Variants in ASPSCR1 observed in about 807,000 individuals in gnomAD.
ASPSCR1 encodes ASPSCR1 tether for SLC2A4, UBX domain containing, also known as tether containing UBX domain for GLUT4.
Under a neutral mutation model 68.9 loss-of-function variants are expected in ASPSCR1, and 55 were observed. That is an observed-to-expected ratio of 0.80 (90% confidence interval 0.64 to 1.00). ASPSCR1 has a LOEUF of 1.00. Among genes scored for constraint, ASPSCR1 ranks in the 50% least tolerant of loss-of-function variants. ASPSCR1 has a pLI of 0.00. For missense variants in ASPSCR1, 765 were observed against 762.2 expected (o/e 1.00, Z -0.04); for synonymous variants, 352 against 332.6 (o/e 1.06, Z -0.63).
At position 81,990,285 on chromosome 17, in the gene ASPSCR1, G is replaced by A. The variant is rs1472601861; in HGVS notation, c.375-4536G>A. ...CTTGGAGCATCTCGGTCTGGGCCGG[G>A]TCCTCGTGGACTGGGCGCTCTCCAC... On this transcript the variant is annotated intron_variant, in intron 4 of 15. Coordinates refer to ENST00000306739, the MANE Select transcript of ASPSCR1 (RefSeq NM_024083.4). The surrounding 1 kb of genome is among the most constrained non-coding windows in gnomAD (Gnocchi z 4.1). Among the ~76,000 whole-genome samples, 2 of 152,198 alleles carry A rather than the reference G, an allele frequency of 1.3e-5. No homozygotes were observed. Among genetic ancestry groups the A allele is most frequent in the Non-Finnish European group, 2.9e-5 (2 of 68,038 alleles).
chr17:82,017,207 G>A (rs1262089692), intron 15 of ASPSCR1, 94 bp downstream of exon 15: 14 of 1,587,776 alleles, frequency 8.8e-6, no homozygotes, highest in Non-Finnish European at 1.1e-5. Context: ...GGGGCTAGGT[G>A]CTGTGGCCGG....
intron 10 of ASPSCR1, 135 bp downstream of exon 10, chr17:82,011,003 G>C: frequency 9.4e-7 from 1 of 1,066,004 alleles, no homozygotes; most frequent in Non-Finnish European, 1.4e-6. Context: ...TGCGGGTGCT[G>C]ATGTCCCCTT....
intron 7 of ASPSCR1, among the ~76,000 whole-genome samples, chr17:82,000,204 C>T (rs1598413618): frequency 6.6e-6 from 1 of 152,258 alleles, no homozygotes; most frequent in Non-Finnish European, 1.5e-5. Flanking sequence ...GGCCTCAGCC[C>T]CTTCCCTCCG....
intron 8 of ASPSCR1, 50 bp downstream of exon 8, chr17:82,009,241 C>T: frequency 6.5e-7 from 1 of 1,535,092 alleles, no homozygotes; most frequent in South Asian, 1.2e-5. Context: ...GGGTTTGCCC[C>T]ATCGGGTGCT....
intron 4 of ASPSCR1, among the ~76,000 whole-genome samples, chr17:81,993,749 C>T (rs1439064510): frequency 6.6e-6 from 1 of 152,258 alleles, no homozygotes; most frequent in Non-Finnish European, 1.5e-5. Context: ...CAAGCAGTTT[C>T]CAGCCCAGCT....
At chr17:81,980,725 G>C (rs1567951499) in intron 2 of ASPSCR1, among the ~76,000 whole-genome samples, 1 of 152,190 alleles carries the variant, frequency 6.6e-6, no homozygotes, top group Admixed American at 6.5e-5. Flanking sequence ...TGATACAGAC[G>C]TACTTAATAC....
intron 7 of ASPSCR1, among the ~76,000 whole-genome samples, chr17:82,000,190 C>T (rs903312818): frequency 1.3e-5 from 2 of 152,246 alleles, no homozygotes; most frequent in Admixed American, 6.5e-5. Flanking sequence ...ATTCTAGAGG[C>T]GTGGGCCTCA....
At chr17:82,008,924 G>T in intron 7 of ASPSCR1, 113 bp from the exon 8 acceptor site, 5 of 1,357,650 alleles carry the variant, frequency 3.7e-6, no homozygotes, top group East Asian at 2.8e-5. Context: ...GCCAGGGAGG[G>T]AGTGGGCCCA....
intron 13 of ASPSCR1, 127 bp downstream of exon 13, chr17:82,016,654 C>T (rs2043137765): frequency 2.8e-6 from 4 of 1,444,316 alleles, no homozygotes; most frequent in Admixed American, 4.0e-5. Context: ...TCTGCGGCCC[C>T]CAGTAACCAC....
In ASPSCR1 at chr17:81,994,839, CG is replaced by C; in HGVS notation, c.395del (p.Gly132AlafsTer14). ...PQIRECLQHPGGATPVCVYTR... is the reference protein window; with the variant it reads ...PQIRECLQHPXGATPVCVYTR... Reference sequence around the variant, plus strand: ...CTCCCAGGGAGTGCCTGCAGCACCCCGGCGGGGCCACCCCAGTCTGCGTGTA... The same window carrying C: ...CTCCCAGGGAGTGCCTGCAGCACCCCGCGGGGCCACCCCAGTCTGCGTGTA... On this transcript the variant is annotated frameshift_variant, in exon 5 of 16. Coordinates refer to ENST00000306739, the MANE Select transcript of ASPSCR1 (RefSeq NM_024083.4). LOFTEE classifies it high-confidence loss of function. 1 of 1,613,394 alleles carries C rather than the reference CG, an allele frequency of 6.2e-7. No homozygotes were observed. The highest frequency in any genetic ancestry group is 8.5e-7 in the Non-Finnish European group (1 of 1,179,948).
Position 81,986,907 on chromosome 17 carries a change from G to T in ASPSCR1, c.374+1300G>T, listed in dbSNP as rs1048170249. Among the ~76,000 whole-genome samples, 1 of 152,204 alleles carries T rather than the reference G, an allele frequency of 6.6e-6. No individual in the cohort carries two copies. Among genetic ancestry groups the T allele is most frequent in the African/African-American group, 2.4e-5 (1 of 41,456 alleles). On this transcript the variant is annotated intron_variant, in intron 4 of 15. Transcript: ENST00000306739. The surrounding 1 kb of genome is among the most constrained non-coding windows in gnomAD (Gnocchi z 5.2). Reference sequence around the variant, plus strand: ...GGTCTCAGTGGTCATGGGGATGGAAGCCACCCCAGTGGCTGTCGGGGTGAA... The same window carrying T: ...GGTCTCAGTGGTCATGGGGATGGAATCCACCCCAGTGGCTGTCGGGGTGAA...
At chr17:82,000,658 A>G (rs1307256556) in intron 7 of ASPSCR1, among the ~76,000 whole-genome samples, 1 of 152,214 alleles carries the variant, frequency 6.6e-6, no homozygotes, top group Admixed American at 6.5e-5. Context: ...GTCAGAAGGA[A>G]GAGACAGGAT....
At chr17:82,010,758 G>A in intron 9 of ASPSCR1, 44 bp from the exon 10 acceptor site, 2 of 1,589,620 alleles carry the variant, frequency 1.3e-6, no homozygotes, top group Non-Finnish European at 8.6e-7. Context: ...GGTCCCTGGT[G>A]CAGCTCCGGC....
intron 12 of ASPSCR1, chr17:82,015,130 G>A (rs1270443273): frequency 1.3e-6 from 2 of 1,598,284 alleles, no homozygotes; most frequent in South Asian, 2.2e-5. Context: ...CTGAAACGGT[G>A]CCTGGGACCA....
intron 7 of ASPSCR1, among the ~76,000 whole-genome samples, chr17:82,003,051 G>A (rs1418093913): frequency 6.6e-6 from 1 of 151,050 alleles, no homozygotes; most frequent in Non-Finnish European, 1.5e-5. Context: ...TTTTCATCAT[G>A]TTGACAGGCT....
At chr17:82,013,722 A>G (rs1338567106) in intron 12 of ASPSCR1, 1 of 153,184 alleles carries the variant, frequency 6.5e-6, no homozygotes, top group African/African-American at 2.4e-5. Flanking sequence ...CTGGCCCAGG[A>G]GAGTGCAGGT....
intron 7 of ASPSCR1, chr17:82,008,089 CAG>C (rs1165908938): frequency 6.6e-6 from 1 of 152,328 alleles, no homozygotes; most frequent in Non-Finnish European, 1.5e-5. Flanking sequence ...GTCGAGGTCT[CAG>C]GTGTGTCCGG....
rs115108602 is a variant in ASPSCR1, at chr17:81,986,961, A to G, written c.374+1354A>G. On this transcript the variant is annotated intron_variant, in intron 4 of 15. Transcript: ENST00000306739. The surrounding 1 kb of genome is among the most constrained non-coding windows in gnomAD (Gnocchi z 5.2). ...AGGCCCCTGGAGATGGCAGCGGGTT[A>G]AGCACGAGCACGGAATTCTCCCTCC... Among the ~76,000 whole-genome samples the G allele has an allele frequency of 6.6e-6, 1 of 152,236 alleles. No homozygotes were observed. Among genetic ancestry groups the G allele is most frequent in the African/African-American group, 2.4e-5 (1 of 41,540 alleles).
At chr17:82,000,517 G>C (rs890014543) in intron 7 of ASPSCR1, among the ~76,000 whole-genome samples, 6 of 152,190 alleles carry the variant, frequency 3.9e-5, no homozygotes, top group East Asian at 1.9e-4. Context: ...TTCAGTGATG[G>C]GGGGAGGGGA....
Sources: allele counts gnomAD v4.1 joint callset (sites outside exome capture counted in the v4.1 genomes callset), GRCh38; gene constraint gnomAD v4.1.1; non-coding constraint Gnocchi (gnomAD v3.1); transcripts MANE v1.5; gene names NCBI Gene and HGNC (gene_info 2026-07-23, HGNC 2026-07-21).